The following MYO1E variants were observed in gnomAD, a reference collection of about 807,000 sequenced individuals.
MYO1E encodes the protein myosin IE, also known as unconventional myosin-Ie.
MYO1E carries 68 observed loss-of-function variants against 151.1 expected under a neutral mutation model. The ratio of observed to expected loss-of-function variants is 0.45; its 90% CI spans 0.37 to 0.55. The LOEUF (loss-of-function observed/expected upper bound fraction) is 0.55. Among genes scored for constraint, MYO1E ranks in the 20% least tolerant of loss-of-function variants. MYO1E has a pLI of 0.00. For synonymous variants in MYO1E, 601 were observed against 501.7 expected, an observed-to-expected ratio of 1.20 and a Z score of -2.64; for missense variants, 1,363 against 1,389.3, an observed-to-expected ratio of 0.98 and a Z score of 0.30.
intron 1 of MYO1E, among the ~76,000 whole-genome samples, chr15:59,306,082 C>A (rs1174344018): frequency 1.3e-5 from 2 of 152,132 alleles, no homozygotes; most frequent in African/African-American, 4.8e-5. Context: ...CTCAGGTGGG[C>A]ATTTTTCTAT....
chr15:59,201,958 T>G (rs2079804986), intron 16 of MYO1E, among the ~76,000 whole-genome samples: 1 of 152,346 alleles, frequency 6.6e-6, no homozygotes, highest in African/African-American at 2.4e-5. Context: ...TGGCAGGTTT[T>G]TGGGCCTGGC....
chr15:59,357,773 G>T (rs1254904500), intron 1 of MYO1E, among the ~76,000 whole-genome samples: 1 of 152,072 alleles, frequency 6.6e-6, no homozygotes, highest in Non-Finnish European at 1.5e-5. Context: ...TCAATGATGA[G>T]GCTCAAGAAG....
intron 1 of MYO1E, chr15:59,341,236 T>C (rs1310345773): frequency 6.6e-6 from 1 of 152,186 alleles, no homozygotes; most frequent in Non-Finnish European, 1.5e-5. Flanking sequence ...ACTCTTTTAG[T>C]TATTTTTAAA....
chr15:59,186,501 C>G (rs775774643), intron 18 of MYO1E, among the ~76,000 whole-genome samples: 1 of 151,958 alleles, frequency 6.6e-6, no homozygotes, highest in Non-Finnish European at 1.5e-5. Flanking sequence ...TGTGGTCGCT[C>G]GTGCTGATAA....
At chr15:59,172,912 G>A (rs2079603952) in intron 21 of MYO1E, among the ~76,000 whole-genome samples, 1 of 152,252 alleles carries the variant, frequency 6.6e-6, no homozygotes, top group Non-Finnish European at 1.5e-5. Context: ...TGCACAGGTT[G>A]CAAGGAATGG....
intron 2 of MYO1E, among the ~76,000 whole-genome samples, chr15:59,267,666 C>G (rs1418365269): frequency 6.6e-6 from 1 of 152,198 alleles, no homozygotes; most frequent in African/African-American, 2.4e-5. Flanking sequence ...TGAGTAAAAA[C>G]AAGTTTGGAG....
chr15:59,147,156 C>A (rs1429859494), intron 26 of MYO1E, among the ~76,000 whole-genome samples: 6 of 152,136 alleles, frequency 3.9e-5, no homozygotes, highest in Non-Finnish European at 7.3e-5. Context: ...CCGAATCTCA[C>A]AAGGTGCCAA....
At chr15:59,353,564 T>G (rs1301318237) in intron 1 of MYO1E, among the ~76,000 whole-genome samples, 1 of 151,322 alleles carries the variant, frequency 6.6e-6, no homozygotes, top group African/African-American at 2.4e-5. Flanking sequence ...CAAGACCATC[T>G]GGCTAACATG....
intron 4 of MYO1E, among the ~76,000 whole-genome samples, chr15:59,248,786 C>T (rs1293542402): frequency 6.6e-6 from 1 of 152,196 alleles, no homozygotes; most frequent in Non-Finnish European, 1.5e-5. Flanking sequence ...CATGTGTTCA[C>T]ATCTTCAGAT....
At chr15:59,290,044 T>G (rs1004773975) in intron 1 of MYO1E, among the ~76,000 whole-genome samples, 8 of 152,198 alleles carry the variant, frequency 5.3e-5, no homozygotes, top group African/African-American at 1.9e-4. Context: ...CTACGTTAGG[T>G]GCTTTGCGTA....
At chr15:59,313,122 T>C (rs1248633604) in intron 1 of MYO1E, among the ~76,000 whole-genome samples, 1 of 152,210 alleles carries the variant, frequency 6.6e-6, no homozygotes, top group South Asian at 2.1e-4. Context: ...TGAGAACCAC[T>C]GCTTTAGTGA....
intron 1 of MYO1E, among the ~76,000 whole-genome samples, chr15:59,279,469 A>G (rs2080340568): frequency 6.6e-6 from 1 of 152,144 alleles, no homozygotes; most frequent in African/African-American, 2.4e-5. Flanking sequence ...CTTGATCTCA[A>G]AAAAGCCAAG....
intron 1 of MYO1E, among the ~76,000 whole-genome samples, chr15:59,356,999 G>A (rs994773220): frequency 3.3e-5 from 5 of 151,718 alleles, no homozygotes; most frequent in South Asian, 4.2e-4. Context: ...TCCACCTCCC[G>A]GGTTCAAGCA....
intron 4 of MYO1E, among the ~76,000 whole-genome samples, chr15:59,241,747 T>A (rs2080100918): frequency 6.6e-6 from 1 of 151,740 alleles, no homozygotes; most frequent in Non-Finnish European, 1.5e-5. Context: ...TAAAAATTTT[T>A]AAATAAAAAC....
intron 1 of MYO1E, among the ~76,000 whole-genome samples, chr15:59,280,299 C>T (rs888886565): frequency 1.3e-5 from 2 of 152,150 alleles, no homozygotes. Context: ...AAGATGCATT[C>T]TTTTTCACAT....
intron 16 of MYO1E, among the ~76,000 whole-genome samples, chr15:59,198,298 T>TA (rs1260431496): frequency 6.6e-6 from 1 of 152,158 alleles, no homozygotes. Flanking sequence ...AAGCAGGTGT[T>TA]AAAATACGCA....
At chr15:59,212,566 T>C (rs2079885797) in intron 12 of MYO1E, 1 of 152,178 alleles carries the variant, frequency 6.6e-6, no homozygotes, top group African/African-American at 2.4e-5. Context: ...GATCTCACAA[T>C]AAGTCATCCT....
At chr15:59,207,646 G>T in intron 14 of MYO1E, 1 of 1,614,192 alleles carries the variant, frequency 6.2e-7, no homozygotes, top group Non-Finnish European at 8.5e-7. Context: ...AAGCTGCCAT[G>T]GATGGATCCT....
intron 26 of MYO1E, among the ~76,000 whole-genome samples, chr15:59,149,528 G>C (rs1303264329): frequency 6.6e-6 from 1 of 152,188 alleles, no homozygotes; most frequent in African/African-American, 2.4e-5. Context: ...TAGCTACCAT[G>C]TGCACCAATA....
Sources: allele counts gnomAD v4.1 joint callset (sites outside exome capture counted in the v4.1 genomes callset), GRCh38; gene constraint gnomAD v4.1.1; transcripts MANE v1.5; gene names NCBI Gene and HGNC (gene_info 2026-07-23, HGNC 2026-07-21).